Variants in INTU observed in about 807,000 individuals in gnomAD.
INTU encodes the protein protein inturned.
A neutral mutation model predicts 100.5 loss-of-function variants in INTU; 68 were observed. The ratio of observed to expected loss-of-function variants is 0.68; its 90% CI spans 0.56 to 0.83. The LOEUF (loss-of-function observed/expected upper bound fraction) is 0.83. INTU is among the 40% of genes least tolerant of loss of function. INTU has a pLI of 0.00. For synonymous variants in INTU, 357 were observed against 395.7 expected (o/e 0.90, Z 1.16); for missense variants, 1,071 against 1,114.7 (o/e 0.96, Z 0.56).
At chr4:127,650,873 C>T (rs1414337830) in intron 2 of INTU, among the ~76,000 whole-genome samples, 1 of 152,214 alleles carries the variant, frequency 6.6e-6, no homozygotes, top group Non-Finnish European at 1.5e-5. Flanking sequence ...CACATCCTGT[C>T]CAGCACCTGT....
chr4:127,687,589 G>A, intron 7 of INTU, 89 bp from the exon 8 acceptor site: 2 of 960,556 alleles, frequency 2.1e-6, no homozygotes, highest in South Asian at 1.7e-5. Context: ...AGCCTATGTA[G>A]TTGGGAAAGA....
chr4:127,656,225 A>T (rs1183907990), intron 2 of INTU, among the ~76,000 whole-genome samples: 1 of 152,088 alleles, frequency 6.6e-6, no homozygotes, highest in Admixed American at 6.5e-5. Flanking sequence ...AGCTGTTCCT[A>T]TTTGGCCATC....
At chr4:127,710,818 A>C in intron 13 of INTU, 95 bp from the exon 14 acceptor site, 1 of 662,770 alleles carries the variant, frequency 1.5e-6, no homozygotes, top group Admixed American at 3.4e-5. Flanking sequence ...TGTAGATAAA[A>C]GCTTATAAGA....
intron 3 of INTU, among the ~76,000 whole-genome samples, chr4:127,657,021 A>G (rs1178015504): frequency 2.6e-5 from 4 of 152,244 alleles, no homozygotes; most frequent in Middle Eastern, 3.4e-3. Context: ...GCTTGTGACA[A>G]TCTGGTTCCT....
In INTU at chr4:127,677,442, C is replaced by T. The variant is rs565382513; in HGVS notation, c.1181+3229C>T. 1.6e-4 allele frequency among the ~76,000 whole-genome samples: 24 copies of T among 150,796 alleles called. 1 individual carries two copies. The highest frequency in any genetic ancestry group is 4.7e-4 in the African/African-American group (19 of 40,134). On this transcript the variant is annotated intron_variant, in intron 6 of 15. Coordinates refer to ENST00000335251, the MANE Select transcript of INTU (RefSeq NM_015693.4). ...ATCAGACAGCAGCATTCGCGGTTCA[C>T]GAAAATCTGCTGTTCTGCAGCCACC...
Position 127,705,776 on chromosome 4 carries a change from A to G in INTU, c.1752A>G (p.Glu584=). Residue 584 remains glutamate (E), a synonymous_variant, in exon 11 of 16, where the codon GAA becomes GAG. Coordinates refer to ENST00000335251, the MANE Select transcript of INTU (RefSeq NM_015693.4). ...ACTCAAGCACTGAAGTCTTTCCGGA[A>G]CCTGAAGGAAGATATTTTTTGCTAG... ...LADSSTEVFP[E]PEGRYFLLVV... is the part of the protein sequence containing the mutation. 1 of 1,613,978 alleles carries G rather than the reference A, an allele frequency of 6.2e-7. No individual in the cohort carries two copies. Among genetic ancestry groups the G allele is most frequent in the East Asian group, 2.2e-5 (1 of 44,870 alleles).
At chr4:127,677,698 C>T (rs1729290446) in intron 6 of INTU, among the ~76,000 whole-genome samples, 1 of 152,298 alleles carries the variant, frequency 6.6e-6, no homozygotes, top group Admixed American at 6.5e-5. Context: ...GAGTGCCTCT[C>T]CTCCTCCAAA....
chr4:127,664,115 T>C (rs1056699773), intron 4 of INTU, among the ~76,000 whole-genome samples: 31 of 152,120 alleles, frequency 2.0e-4, no homozygotes, highest in African/African-American at 7.2e-4. Flanking sequence ...TTAACTTTCT[T>C]CCATAGGTTG....
intron 8 of INTU, among the ~76,000 whole-genome samples, chr4:127,693,245 A>C (rs935302706): frequency 6.6e-6 from 1 of 152,024 alleles, no homozygotes; most frequent in East Asian, 1.9e-4. Flanking sequence ...GGTATTGTCT[A>C]TGATTTCTTT....
intron 13 of INTU, among the ~76,000 whole-genome samples, chr4:127,709,677 T>C (rs1731019421): frequency 6.6e-6 from 1 of 150,524 alleles, no homozygotes; most frequent in African/African-American, 2.5e-5. Flanking sequence ...ATTGCCTACT[T>C]TTATTTGAAC....
chr4:127,666,804 A>G (rs1297041070), intron 4 of INTU, among the ~76,000 whole-genome samples: 2 of 152,184 alleles, frequency 1.3e-5, no homozygotes, highest in Non-Finnish European at 2.9e-5. Flanking sequence ...AGTGAGATTT[A>G]AAATGTTTTT....
At chr4:127,658,401 A>G (rs1185692597) in intron 3 of INTU, among the ~76,000 whole-genome samples, 1 of 152,186 alleles carries the variant, frequency 6.6e-6, no homozygotes, top group Non-Finnish European at 1.5e-5. Context: ...AGTAGGTTGT[A>G]CTGTTACCCA....
At chr4:127,682,551 C>T (rs1302514176) in intron 6 of INTU, among the ~76,000 whole-genome samples, 1 of 133,972 alleles carries the variant, frequency 7.5e-6, no homozygotes, top group Non-Finnish European at 1.5e-5. Flanking sequence ...ACAATGAGAA[C>T]ACATGGACAC....
In INTU at chr4:127,700,057, A is replaced by C. The variant is rs757671285; in HGVS notation, c.1497A>C (p.Ala499=). 1 of 1,606,178 alleles carries C rather than the reference A, an allele frequency of 6.2e-7. No individual in the cohort carries two copies. The highest frequency in any genetic ancestry group is 2.2e-5 in the East Asian group (1 of 44,516). The change falls in exon 9 of 16, where the codon GCA becomes GCC. Residue 499 remains alanine, a synonymous_variant. Transcript: ENST00000335251. The part of the protein sequence containing the change: ...ALSDLEAADF[A]ELSEDYYDMR... ...GTGACTTGGAGGCTGCAGATTTTGC[A>C]GAACTGGTAAGGGAAGGAGTGGATT...
Position 127,674,141 on chromosome 4 carries a change from A to T in INTU, c.1109A>T (p.Asn370Ile), listed in dbSNP as rs143095951. The T allele has an allele frequency of 7.5e-4, 1,214 of 1,611,556 alleles. 12 individuals are homozygous for T. Among genetic ancestry groups the T allele is most frequent in the Non-Finnish European group, 1.2e-4 (147 of 1,178,830 alleles). Residue 370 changes from asparagine (N) to isoleucine (I), a missense_variant, in exon 6 of 16, where the codon AAT (asparagine) becomes ATT (isoleucine). Asn to Ile is a moderately radical substitution (Grantham distance 149). Coordinates refer to ENST00000335251, the MANE Select transcript of INTU (RefSeq NM_015693.4). ...TTTCTTAGTTCATCCCTCCTTTTAAATGGAAAACAAATTCATGTGGCTTAT... is the reference window on the plus strand; with the variant it reads ...TTTCTTAGTTCATCCCTCCTTTTAATTGGAAAACAAATTCATGTGGCTTAT... Reference protein sequence around the residue: ...TQVTSSSLLLNGKQIHVAYWK... With the variant: ...TQVTSSSLLLIGKQIHVAYWK...
intron 4 of INTU, among the ~76,000 whole-genome samples, chr4:127,666,048 T>C (rs1177793233): frequency 1.3e-5 from 2 of 152,206 alleles, no homozygotes; most frequent in Admixed American, 6.5e-5. Context: ...TTGTAAGGAA[T>C]ATGCCTTTTC....
chr4:127,701,408 T>C (rs1294567877), intron 9 of INTU, among the ~76,000 whole-genome samples: 1 of 152,164 alleles, frequency 6.6e-6, no homozygotes. Flanking sequence ...TTTAAAAACC[T>C]CTATGAGACA....
intron 3 of INTU, among the ~76,000 whole-genome samples, chr4:127,661,120 A>AGGAATTTTAATGGATTAG (rs1186938955): frequency 2.6e-5 from 4 of 152,180 alleles, no homozygotes; most frequent in Admixed American, 6.5e-5. Context: ...TAGTTCCCTA[A>AGGAATTTTAATGGATTAG]GGAATTTTAA....
Position 127,724,985 on chromosome 4 carries a change from G to A in INTU, c.*8549G>A, listed in dbSNP as rs1731396896. The A allele has an allele frequency of 6.6e-6, 1 of 151,904 alleles. No individual in the cohort carries two copies. Among genetic ancestry groups the A allele is most frequent in the Non-Finnish European group, 1.5e-5 (1 of 67,980 alleles). 9.4% of individuals were successfully genotyped at this position (151,904 alleles called of 1,614,324 possible). On this transcript the variant is annotated 3_prime_UTR_variant, in exon 16 of 16. Transcript: ENST00000335251. ...GGTAAAAAACCTTGGTTCTTGAAATGCTACAGAAAATAGCTTGAGGCCAGG... is the reference window on the plus strand; with the variant it reads ...GGTAAAAAACCTTGGTTCTTGAAATACTACAGAAAATAGCTTGAGGCCAGG...
Sources: allele counts gnomAD v4.1 joint callset (sites outside exome capture counted in the v4.1 genomes callset), GRCh38; gene constraint gnomAD v4.1.1; transcripts MANE v1.5; gene names NCBI Gene and HGNC (gene_info 2026-07-23, HGNC 2026-07-21).